Variants in FMN1 observed in about 807,000 individuals in gnomAD.
FMN1 encodes the protein formin-1.
In FMN1, 110 loss-of-function variants were observed where a neutral mutation model predicts 132.4. The observed-to-expected ratio is 0.83, with a 90% CI of 0.71 to 0.97. FMN1 has a LOEUF of 0.97. Among genes scored for constraint, FMN1 ranks in the 50% least tolerant of loss-of-function variants. FMN1 has a pLI of 0.00. For missense variants in FMN1, 1,792 were observed against 1,705.3 expected (o/e 1.05, Z -0.90); for synonymous variants, 722 against 651.7 (o/e 1.11, Z -1.64).
intron 3 of FMN1, among the ~76,000 whole-genome samples, chr15:33,165,293 A>G (rs991016374): frequency 6.6e-6 from 1 of 152,234 alleles, no homozygotes; most frequent in Admixed American, 6.5e-5. Flanking sequence ...ATCAGGAACA[A>G]TGGTTGCATA....
intron 17 of FMN1, among the ~76,000 whole-genome samples, chr15:32,831,702 C>A (rs1284811701): frequency 1.3e-5 from 2 of 150,554 alleles, no homozygotes; most frequent in Non-Finnish European, 2.9e-5. Flanking sequence ...CAGAGACTGA[C>A]ACAAATAATC....
At position 32,767,830 on chromosome 15, in the gene FMN1, A is replaced by T. The variant is rs940957933; in HGVS notation, c.*6480T>A. Reference sequence around the variant, plus strand: ...TCATTGCGAGCAAACAGAAGAATTGATACTAGACTTTCCCTCTCACTCATG... The same window carrying T: ...TCATTGCGAGCAAACAGAAGAATTGTTACTAGACTTTCCCTCTCACTCATG... On this transcript the variant is annotated 3_prime_UTR_variant, in exon 21 of 21. Coordinates refer to ENST00000616417, the MANE Select transcript of FMN1 (RefSeq NM_001277313.2). The T allele has an allele frequency of 6.6e-6, 1 of 152,166 alleles. No individual in the cohort carries two copies. The highest frequency in any genetic ancestry group is 2.4e-5 in the African/African-American group (1 of 41,428). The allele number at this position is 152,166 out of a possible 1,614,324, so 9.4% of individuals were successfully genotyped here.
At chr15:32,888,145 T>C (rs751392808) in intron 16 of FMN1, 27 bp downstream of exon 16, 1 of 1,568,328 alleles carries the variant, frequency 6.4e-7, no homozygotes, top group East Asian at 2.2e-5. Flanking sequence ...TTAGCTATTA[T>C]CATAATAGCA....
chr15:33,150,249 C>A, intron 4 of FMN1: 1 of 985,458 alleles, frequency 1.0e-6, no homozygotes, highest in Non-Finnish European at 1.2e-6. Context: ...GCTCCAAGGA[C>A]ACTGCTTTGC....
intron 19 of FMN1, among the ~76,000 whole-genome samples, chr15:32,781,060 T>C (rs1460321463): frequency 1.3e-5 from 2 of 152,212 alleles, no homozygotes; most frequent in Non-Finnish European, 2.9e-5. Context: ...TCTGTAATAC[T>C]TCATTTTTAA....
chr15:32,891,163 A>C (rs1406467664), intron 15 of FMN1, among the ~76,000 whole-genome samples: 1 of 152,154 alleles, frequency 6.6e-6, no homozygotes, highest in East Asian at 1.9e-4. Flanking sequence ...TATAGTTTGA[A>C]ATCAGGTAGT....
intron 4 of FMN1, among the ~76,000 whole-genome samples, chr15:33,117,547 C>T (rs772406058): frequency 2.0e-5 from 3 of 152,152 alleles, no homozygotes; most frequent in Non-Finnish European, 4.4e-5. Flanking sequence ...ACGGATTAAG[C>T]TGAATGTTTG....
At chr15:33,159,824 G>A (rs769169363) in intron 3 of FMN1, among the ~76,000 whole-genome samples, 3 of 152,208 alleles carry the variant, frequency 2.0e-5, no homozygotes, top group Non-Finnish European at 4.4e-5. Context: ...ATAGAAAGAA[G>A]TTTTCTTGTT....
At chr15:33,075,128 C>G (rs2141294263) in intron 5 of FMN1, among the ~76,000 whole-genome samples, 1 of 151,452 alleles carries the variant, frequency 6.6e-6, no homozygotes, top group East Asian at 1.9e-4. Context: ...ATATAAGCTC[C>G]CTGTGCTGCA....
In FMN1 at chr15:33,060,176, A is replaced by G. The variant is rs2037420448; in HGVS notation, c.2161+4781T>C. Among the ~76,000 whole-genome samples, 4 of 149,290 alleles carry G rather than the reference A, an allele frequency of 2.7e-5. No individual in the cohort carries two copies. The South Asian group carries it at 8.5e-4, about 32-fold the overall frequency. On this transcript the variant is annotated intron_variant, in intron 6 of 20. Transcript: ENST00000616417. ...GCTACAGGGGTCTATGAAAGATAGT[A>G]CAATGCACAAACCCATTCCCCAGAC...
At chr15:33,014,355 G>C (rs1459538465) in intron 6 of FMN1, among the ~76,000 whole-genome samples, 3 of 152,154 alleles carry the variant, frequency 2.0e-5, no homozygotes, top group Admixed American at 2.0e-4. Context: ...CAAGACCAAG[G>C]ATGTGTGTAT....
At chr15:33,005,440 A>G (rs766676577) in intron 7 of FMN1, among the ~76,000 whole-genome samples, 11 of 152,334 alleles carry the variant, frequency 7.2e-5, no homozygotes, top group South Asian at 6.2e-4. Flanking sequence ...ACCTTAGTCT[A>G]ACCTGTATTT....
At chr15:33,136,048 C>CT (rs1452054252) in intron 4 of FMN1, among the ~76,000 whole-genome samples, 6 of 152,092 alleles carry the variant, frequency 3.9e-5, no homozygotes, top group Non-Finnish European at 7.4e-5. Context: ...GTTTTGAATG[C>CT]TTTTGTAGAT....
chr15:32,776,956 GA>G, intron 19 of FMN1, 37 bp from the exon 20 acceptor site: 1 of 1,230,158 alleles, frequency 8.1e-7, no homozygotes, highest in Non-Finnish European at 1.2e-6. Context: ...GGGAGAGAGG[GA>G]AAAGAAAGGA....
intron 2 of FMN1, among the ~76,000 whole-genome samples, chr15:33,182,614 G>C (rs1453691878): frequency 1.3e-5 from 2 of 152,178 alleles, no homozygotes; most frequent in Non-Finnish European, 2.9e-5. Context: ...AGTGAAGGAA[G>C]GAAGTGTTAG....
chr15:32,854,466 T>C (rs1241218191), intron 17 of FMN1, among the ~76,000 whole-genome samples: 1 of 152,278 alleles, frequency 6.6e-6, no homozygotes, highest in Admixed American at 6.5e-5. Flanking sequence ...ACTTTTTTAA[T>C]AGAATGGTAA....
intron 14 of FMN1, 47 bp from the exon 15 acceptor site, chr15:32,898,940 G>A (rs1427451524): frequency 7.9e-7 from 1 of 1,272,958 alleles, no homozygotes. Context: ...CCATGAGACT[G>A]TCATGTTACA....
chr15:32,958,832 A>G (rs947941203), intron 9 of FMN1, among the ~76,000 whole-genome samples: 5 of 152,102 alleles, frequency 3.3e-5, no homozygotes, highest in Non-Finnish European at 5.9e-5. Flanking sequence ...ACCTGAGGTC[A>G]GGAGTTTGAG....
At chr15:33,113,517 G>C (rs183307624) in intron 4 of FMN1, among the ~76,000 whole-genome samples, 1 of 152,180 alleles carries the variant, frequency 6.6e-6, no homozygotes, top group East Asian at 1.9e-4. Flanking sequence ...TCCAACAACA[G>C]TTTGCTCCTC....
Sources: allele counts gnomAD v4.1 joint callset (sites outside exome capture counted in the v4.1 genomes callset), GRCh38; gene constraint gnomAD v4.1.1; transcripts MANE v1.5; gene names NCBI Gene and HGNC (gene_info 2026-07-23, HGNC 2026-07-21).